Variants in KLHL24 observed in about 807,000 individuals in gnomAD.
The protein encoded by KLHL24 is kelch-like protein 24.
Under a neutral mutation model 53.4 loss-of-function variants are expected in KLHL24, and 29 were observed. The observed-to-expected ratio is 0.54, with a 90% CI of 0.40 to 0.74. KLHL24 has a LOEUF of 0.74. Ranked by LOEUF, KLHL24 falls within the 30% of genes least tolerant of loss-of-function variation. The pLI, the probability that KLHL24 is intolerant of heterozygous loss-of-function variation, is 0.00. For missense variants in KLHL24, 504 were observed against 744.0 expected, an observed-to-expected ratio of 0.68 and a Z score of 3.75; for synonymous variants, 222 against 253.7, an observed-to-expected ratio of 0.88 and a Z score of 1.19.
At position 183,679,202 on chromosome 3, in the gene KLHL24, AGGGG is replaced by A; in HGVS notation, c.1720_1723del (p.Gly574Ter). 1.9e-6 allele frequency: 3 copies of A among 1,614,012 alleles called. No individual in the cohort carries two copies. Among genetic ancestry groups the A allele is most frequent in the Non-Finnish European group, 2.5e-6 (3 of 1,179,886 alleles). ...ATGATCCTGCAACAAGTATCATCACAGGGGTAGCTGCAATGCCCAGGCCAGTGTC... is the reference window on the plus strand; with the variant it reads ...ATGATCCTGCAACAAGTATCATCACATAGCTGCAATGCCCAGGCCAGTGTC... On this transcript the variant is annotated frameshift_variant, in exon 8 of 8. Coordinates refer to ENST00000242810, the MANE Select transcript of KLHL24 (RefSeq NM_017644.3). LOFTEE classifies it high-confidence loss of function.
Position 183,637,152 on chromosome 3 carries a change from G to T in KLHL24, c.-125+1359G>T, listed in dbSNP as rs868822650. On this transcript the variant is annotated intron_variant, in intron 1 of 7. Coordinates refer to ENST00000242810, the MANE Select transcript of KLHL24 (RefSeq NM_017644.3). Reference sequence around the variant, plus strand: ...ACAATTGATTTTAGTGGATTTTAATGATTAATCACTTGCTCTTGTGGGCAG... The same window carrying T: ...ACAATTGATTTTAGTGGATTTTAATTATTAATCACTTGCTCTTGTGGGCAG... Among the ~76,000 whole-genome samples the T allele has an allele frequency of 5.6e-4, 86 of 152,298 alleles. 2 individuals are homozygous for T. Among genetic ancestry groups the T allele is most frequent in the Middle Eastern group, 3.4e-3 (1 of 294 alleles).
intron 6 of KLHL24, among the ~76,000 whole-genome samples, chr3:183,671,544 A>C (rs1006256753): frequency 6.6e-6 from 1 of 152,226 alleles, no homozygotes; most frequent in Non-Finnish European, 1.5e-5. Context: ...CACAGTTGAG[A>C]AGTGAATTAG....
intron 3 of KLHL24, among the ~76,000 whole-genome samples, chr3:183,652,271 T>A (rs1042932327): frequency 6.6e-6 from 1 of 152,226 alleles, no homozygotes; most frequent in South Asian, 2.1e-4. Context: ...AAAATACTTA[T>A]CGATTTTAAT....
At chr3:183,678,345 T>C (rs1425579444) in intron 7 of KLHL24, among the ~76,000 whole-genome samples, 4 of 152,300 alleles carry the variant, frequency 2.6e-5, no homozygotes, top group African/African-American at 7.2e-5. Flanking sequence ...TGAATATTGT[T>C]CCTACTCCTT....
intron 7 of KLHL24, 99 bp from the exon 8 acceptor site, chr3:183,678,987 T>G: frequency 1.1e-6 from 1 of 922,100 alleles, no homozygotes; most frequent in Non-Finnish European, 1.7e-6. Context: ...ATGTCTCCCT[T>G]TTTTTTGACT....
chr3:183,662,356 A>G (rs781637565), intron 3 of KLHL24, among the ~76,000 whole-genome samples: 5 of 152,116 alleles, frequency 3.3e-5, no homozygotes, highest in Non-Finnish European at 5.9e-5. Flanking sequence ...GTAACAGCAC[A>G]CTGACTAAAA....
At position 183,680,528 on chromosome 3, in the gene KLHL24, C is replaced by G. The variant is rs1237530166; in HGVS notation, c.*1242C>G. On this transcript the variant is annotated 3_prime_UTR_variant, in exon 8 of 8. Transcript: ENST00000242810. ...AAATTAGTTATCTGAAAAAACTTAG[C>G]AGTAGTTCCCATCTTTAAGGTAAGT... The G allele has an allele frequency of 6.6e-6, 1 of 152,178 alleles. No homozygotes were observed. Among genetic ancestry groups the G allele is most frequent in the Non-Finnish European group, 1.5e-5 (1 of 68,028 alleles). The allele number at this position is 152,178 out of a possible 1,614,324, so 9.4% of individuals were successfully genotyped here.
chr3:183,637,795 A>G (rs1715584415), intron 1 of KLHL24, among the ~76,000 whole-genome samples: 1 of 152,080 alleles, frequency 6.6e-6, no homozygotes, highest in Non-Finnish European at 1.5e-5. Flanking sequence ...AGTAGCTGGG[A>G]TGACAGGCGC....
intron 1 of KLHL24, among the ~76,000 whole-genome samples, chr3:183,639,369 G>T (rs1350081468): frequency 6.6e-6 from 1 of 152,098 alleles, no homozygotes; most frequent in Non-Finnish European, 1.5e-5. Flanking sequence ...GGTGGCTCAC[G>T]CCTGTAATCC....
intron 3 of KLHL24, among the ~76,000 whole-genome samples, chr3:183,658,994 C>T (rs1264674724): frequency 6.6e-6 from 1 of 152,052 alleles, no homozygotes; most frequent in Non-Finnish European, 1.5e-5. Flanking sequence ...TTTGTAGAGA[C>T]AGAGTCTCAC....
At chr3:183,659,597 CAAAG>C (rs1254592777) in intron 3 of KLHL24, among the ~76,000 whole-genome samples, 1 of 152,206 alleles carries the variant, frequency 6.6e-6, no homozygotes, top group Non-Finnish European at 1.5e-5. Flanking sequence ...AATAAGACCT[CAAAG>C]AAGACTGGAA....
chr3:183,679,010 TA>T, intron 7 of KLHL24, 75 bp from the exon 8 acceptor site: 1 of 1,151,590 alleles, frequency 8.7e-7, no homozygotes, highest in South Asian at 1.3e-5. Flanking sequence ...GCTAAAGCAT[TA>T]TTTTGCTTTT....
At chr3:183,655,874 T>A (rs1224664168) in intron 3 of KLHL24, among the ~76,000 whole-genome samples, 3 of 151,810 alleles carry the variant, frequency 2.0e-5, no homozygotes, top group Non-Finnish European at 4.4e-5. Context: ...GAGATTGCAG[T>A]GAGCCGAGAT....
At chr3:183,661,001 C>G (rs1719679613) in intron 3 of KLHL24, among the ~76,000 whole-genome samples, 1 of 130,242 alleles carries the variant, frequency 7.7e-6, no homozygotes, top group Admixed American at 7.7e-5. Flanking sequence ...GGAGGCGGAG[C>G]TTGCAGTGAG....
chr3:183,669,172 A>G (rs908557812), intron 5 of KLHL24, among the ~76,000 whole-genome samples: 4 of 151,886 alleles, frequency 2.6e-5, no homozygotes, highest in Non-Finnish European at 5.9e-5. Context: ...GATAGATACT[A>G]TGATTGTCTA....
rs1328529646 is a variant in KLHL24 at position 183,679,146 on chromosome 3, A to G, written c.1663A>G (p.Asn555Asp). ...ATATATCCTGGGCGGAAGACGGGAA[A>G]ATGGAGAAGCCACAGACACTATTCT... is the stretch of plus-strand genomic sequence containing the variant. ...KIYILGGRRENGEATDTILCY... is the reference protein window; with the variant it reads ...KIYILGGRREDGEATDTILCY... Residue 555 changes from asparagine (N) to aspartate (D), a missense_variant, in exon 8 of 8, where the codon AAT becomes GAT. Coordinates refer to ENST00000242810, the MANE Select transcript of KLHL24 (RefSeq NM_017644.3). The G allele has an allele frequency of 2.9e-5, 46 of 1,613,966 alleles. No homozygotes were observed. Among genetic ancestry groups the G allele is most frequent in the Non-Finnish European group, 3.5e-5 (41 of 1,179,926 alleles).
At chr3:183,639,005 A>T (rs1715847139) in intron 1 of KLHL24, among the ~76,000 whole-genome samples, 1 of 151,958 alleles carries the variant, frequency 6.6e-6, no homozygotes, top group African/African-American at 2.4e-5. Flanking sequence ...GTTCAAGATC[A>T]GCCTGGCCAA....
At chr3:183,639,043 A>G (rs1296087903) in intron 1 of KLHL24, among the ~76,000 whole-genome samples, 1 of 152,026 alleles carries the variant, frequency 6.6e-6, no homozygotes, top group Non-Finnish European at 1.5e-5. Context: ...TCTACTAAAA[A>G]TACAAAAATT....
At chr3:183,669,659 A>C (rs559507246) in intron 5 of KLHL24, among the ~76,000 whole-genome samples, 1 of 152,216 alleles carries the variant, frequency 6.6e-6, no homozygotes. Context: ...ATTGTGGACA[A>C]ATTTGAAGGA....
Sources: allele counts gnomAD v4.1 joint callset (sites outside exome capture counted in the v4.1 genomes callset), GRCh38; gene constraint gnomAD v4.1.1; transcripts MANE v1.5; gene names NCBI Gene and HGNC (gene_info 2026-07-23, HGNC 2026-07-21).